The following FRMPD4 variants were observed in gnomAD, a reference collection of about 807,000 sequenced individuals.
The protein encoded by FRMPD4 is FERM and PDZ domain-containing protein 4.
Under a neutral mutation model 94.1 loss-of-function variants are expected in FRMPD4, and 22 were observed. That is an observed-to-expected ratio of 0.23 (90% CI 0.17 to 0.33). The LOEUF (loss-of-function observed/expected upper bound fraction) is 0.33, where lower values mean the gene tolerates loss of function less well. Ranked by LOEUF, FRMPD4 falls within the 10% of genes least tolerant of loss-of-function variation. FRMPD4 has a pLI of 1.00. For missense variants in FRMPD4, 1,111 were observed against 1,339.9 expected (o/e 0.83, Z 2.67); for synonymous variants, 631 against 548.6 (o/e 1.15, Z -2.10).
chrX:12,475,248 G>A (rs920685931), intron 1 of FRMPD4, among the ~76,000 whole-genome samples: 13 of 111,969 alleles, frequency 1.2e-4, no homozygotes, highest in African/African-American at 4.2e-4. Context: ...AAAGGCCTTC[G>A]ACAAAATTCG....
chrX:12,642,727 C>T (rs2059511313), intron 4 of FRMPD4, among the ~76,000 whole-genome samples: 1 of 112,344 alleles, frequency 8.9e-6, no homozygotes, highest in African/African-American at 3.2e-5. Context: ...GATGGGGAAA[C>T]CCCATCTCTA....
chrX:12,112,908 C>T (rs2055378549), intron 3 of FRMPD4, among the ~76,000 whole-genome samples: 2 of 111,229 alleles, frequency 1.8e-5, no homozygotes, highest in South Asian at 7.6e-4. Context: ...AAGACCTGGC[C>T]AATTAAAGTA....
intron 1 of FRMPD4, among the ~76,000 whole-genome samples, chrX:12,180,322 A>C (rs1398675581): frequency 8.9e-6 from 1 of 112,215 alleles, no homozygotes; most frequent in Non-Finnish European, 1.9e-5. Flanking sequence ...ATAAAAAGTT[A>C]TATCAGGGAC....
chrX:12,115,539 C>T (rs1283592641), intron 3 of FRMPD4, among the ~76,000 whole-genome samples: 1 of 110,709 alleles, frequency 9.0e-6, no homozygotes, highest in Non-Finnish European at 1.9e-5. Flanking sequence ...TGGTGTTGTT[C>T]CCTTGACATT....
At chrX:12,058,473 A>G (rs1357333259) in intron 3 of FRMPD4, among the ~76,000 whole-genome samples, 1 of 110,871 alleles carries the variant, frequency 9.0e-6, no homozygotes, top group African/African-American at 3.3e-5. Flanking sequence ...CTGGGCCCCA[A>G]CAAGAGTCAA....
chrX:12,474,537 C>A (rs888232982), intron 1 of FRMPD4, among the ~76,000 whole-genome samples: 3 of 110,658 alleles, frequency 2.7e-5, no homozygotes, highest in African/African-American at 6.6e-5. Context: ...TTTTTTGAAA[C>A]GATCAACAAA....
At chrX:12,637,638 C>T (rs972608959) in intron 4 of FRMPD4, among the ~76,000 whole-genome samples, 1 of 111,045 alleles carries the variant, frequency 9.0e-6, no homozygotes, top group African/African-American at 3.3e-5. Flanking sequence ...TCTGATTGCA[C>T]CACTGCACTC....
rs1386128627 is a variant in FRMPD4, at chrX:12,674,884, C to A, written c.444C>A (p.Leu148=). Residue 148 remains leucine (L), a synonymous_variant, in exon 5 of 17, where the codon CTC becomes CTA. Coordinates refer to ENST00000675598, the MANE Select transcript of FRMPD4 (RefSeq NM_001368397.1). The part of the protein sequence containing the change: ...DLVRSCKESI[L]LTVIQPYPSP... ...ACAGAAGCTGCAAAGAATCGATACT[C>A]CTCACTGTCATTCAGCCTTACCCTG... 3 of 1,168,242 alleles carry A rather than the reference C, an allele frequency of 2.6e-6. No individual in the cohort carries two copies. Among genetic ancestry groups the A allele is most frequent in the South Asian group, 3.6e-5 (2 of 55,915 alleles).
intron 2 of FRMPD4, among the ~76,000 whole-genome samples, chrX:12,502,949 C>T (rs1347360410): frequency 8.9e-6 from 1 of 111,806 alleles, no homozygotes; most frequent in Admixed American, 9.4e-5. Context: ...GTTTGGATAA[C>T]ACAAGATAAG....
intron 2 of FRMPD4, among the ~76,000 whole-genome samples, chrX:12,560,644 C>T (rs1182548235): frequency 1.9e-5 from 2 of 108,053 alleles, no homozygotes; most frequent in African/African-American, 3.4e-5. Context: ...ATAAATTTGG[C>T]ATGACATGTG....
chrX:11,969,290 T>C (rs1487758849), intron 3 of FRMPD4, among the ~76,000 whole-genome samples: 1 of 112,253 alleles, frequency 8.9e-6, no homozygotes, highest in African/African-American at 3.2e-5. Flanking sequence ...TGATCTCTAG[T>C]ATAGCCCCTA....
intron 1 of FRMPD4, among the ~76,000 whole-genome samples, chrX:12,353,840 A>G (rs755637184): frequency 8.9e-6 from 1 of 112,146 alleles, no homozygotes; most frequent in East Asian, 2.8e-4. Context: ...TTGATTAATG[A>G]GAATAGTGGC....
chrX:12,459,220 T>A (rs1180688262), intron 1 of FRMPD4, among the ~76,000 whole-genome samples: 2 of 110,966 alleles, frequency 1.8e-5, no homozygotes, highest in East Asian at 5.7e-4. Flanking sequence ...TCCTTTTTTT[T>A]AAGTAAGTTG....
At chrX:12,320,854 GA>G (rs922143533) in intron 1 of FRMPD4, among the ~76,000 whole-genome samples, 2 of 108,836 alleles carry the variant, frequency 1.8e-5, no homozygotes, top group East Asian at 2.9e-4. Flanking sequence ...ACTAAAAACT[GA>G]AAAAAAAATC....
chrX:12,025,881 C>T (rs1388552922), intron 3 of FRMPD4, among the ~76,000 whole-genome samples: 1 of 111,979 alleles, frequency 8.9e-6, no homozygotes, highest in African/African-American at 3.2e-5. Context: ...AAACCCTGAG[C>T]CAGAGAGGGT....
rs1810347567 is a variant in FRMPD4 at position 11,878,426 on chromosome X, G to A, written c.95+408G>A. The stretch of plus-strand genomic sequence containing the variant: ...TTTTTACAAGGGAATTGAATTGTGT[G>A]CTGTGTTTATTTTCTTTTAAAGATG... On this transcript the variant is annotated intron_variant, in intron 3 of 18. Transcript: ENST00000640291. Among the ~76,000 whole-genome samples the A allele has an allele frequency of 2.7e-5, 3 of 112,107 alleles. No homozygotes were observed. The Admixed American group carries it at 2.8e-4, about 11-fold the overall frequency.
chrX:12,282,042 C>A (rs1396015623), intron 1 of FRMPD4, among the ~76,000 whole-genome samples: 1 of 112,332 alleles, frequency 8.9e-6, no homozygotes, highest in Non-Finnish European at 1.9e-5. Context: ...ACTATTGATA[C>A]AAATTTAATC....
At chrX:12,237,169 A>C (rs1246564205) in intron 1 of FRMPD4, among the ~76,000 whole-genome samples, 1 of 112,586 alleles carries the variant, frequency 8.9e-6, no homozygotes, top group East Asian at 2.8e-4. Context: ...AATTGAATAA[A>C]AAATAATGTT....
intron 1 of FRMPD4, among the ~76,000 whole-genome samples, chrX:12,252,634 G>C (rs1432474956): frequency 8.9e-6 from 1 of 111,890 alleles, no homozygotes; most frequent in East Asian, 2.8e-4. Flanking sequence ...AAAATGTGAA[G>C]GTCATGTGCA....
Sources: allele counts gnomAD v4.1 joint callset (sites outside exome capture counted in the v4.1 genomes callset), GRCh38; gene constraint gnomAD v4.1.1; transcripts MANE v1.5; gene names NCBI Gene and HGNC (gene_info 2026-07-23, HGNC 2026-07-21).